The following DAAM1 variants were observed in gnomAD, a reference collection of about 807,000 sequenced individuals.
DAAM1 encodes dishevelled associated activator of morphogenesis 1.
Under a neutral mutation model 130.0 loss-of-function variants are expected in DAAM1, and 52 were observed. The observed-to-expected ratio is 0.40, with a 90% CI of 0.32 to 0.50. The LOEUF (loss-of-function observed/expected upper bound fraction) is 0.50. Ranked by LOEUF, DAAM1 falls within the 20% of genes least tolerant of loss-of-function variation. DAAM1 has a pLI of 0.61. For synonymous variants in DAAM1, 452 were observed against 444.5 expected (o/e 1.02, Z -0.21); for missense variants, 1,134 against 1,303.8 (o/e 0.87, Z 2.01).
intron 23 of DAAM1, among the ~76,000 whole-genome samples, chr14:59,364,805 T>C (rs1886850640): frequency 6.6e-6 from 1 of 152,206 alleles, no homozygotes; most frequent in African/African-American, 2.4e-5. Flanking sequence ...TCTAACCTTA[T>C]AAAATAAATG....
At chr14:59,344,532 A>G (rs1489732062) in intron 16 of DAAM1, among the ~76,000 whole-genome samples, 1 of 152,212 alleles carries the variant, frequency 6.6e-6, no homozygotes, top group African/African-American at 2.4e-5. Context: ...TCTGCAACCT[A>G]TAGAACCATC....
intron 2 of DAAM1, among the ~76,000 whole-genome samples, chr14:59,289,812 A>G (rs921596399): frequency 2.1e-5 from 3 of 143,624 alleles, no homozygotes; most frequent in Non-Finnish European, 4.6e-5. Flanking sequence ...CATAAAAGGA[A>G]CAAGATCATG....
Position 59,288,361 on chromosome 14 carries a change from G to A in DAAM1, c.184-2856G>A, listed in dbSNP as rs139919688. Among the ~76,000 whole-genome samples, 849 of 152,242 alleles carry A rather than the reference G, an allele frequency of 5.6e-3. 4 individuals carry two copies. The highest frequency in any genetic ancestry group is 0.02 in the Middle Eastern group (6 of 294). On this transcript the variant is annotated intron_variant, in intron 2 of 24. Transcript: ENST00000360909. ...AATACCATTCTGCACATCAGCTTTG[G>A]CAAAGAATTTCTGACTAAGTCTCTA...
At chr14:59,354,098 T>TTAAC (rs1252630194) in intron 19 of DAAM1, 134 bp downstream of exon 19, 1 of 831,978 alleles carries the variant, frequency 1.2e-6, no homozygotes, top group African/African-American at 1.7e-5. Flanking sequence ...TCTTGCACAG[T>TTAAC]TGCCCAGGCT....
intron 1 of DAAM1, among the ~76,000 whole-genome samples, chr14:59,256,703 G>C (rs1369660241): frequency 6.6e-6 from 1 of 152,132 alleles, no homozygotes; most frequent in Admixed American, 6.5e-5. Flanking sequence ...TGGAAACCTA[G>C]GTCCCTAGTT....
rs552255674 is a variant in DAAM1, at chr14:59,320,027, G to C, written c.346-463G>C. ...TACTCTGAAGGAATTGTCTATCCTA[G>C]TAATAGCTCCAAATTAATTTTTCCT... is the stretch of plus-strand genomic sequence containing the variant. On this transcript the variant is annotated intron_variant, in intron 4 of 24. Transcript: ENST00000360909. Among the ~76,000 whole-genome samples, 2 of 152,218 alleles carry C rather than the reference G, an allele frequency of 1.3e-5. 1 individual carries two copies. The highest frequency in any genetic ancestry group is 4.1e-4 in the South Asian group (2 of 4,830).
intron 2 of DAAM1, among the ~76,000 whole-genome samples, chr14:59,272,601 A>ATG (rs1409676213): frequency 2.3e-5 from 2 of 88,882 alleles, no homozygotes; most frequent in South Asian, 4.4e-4. Context: ...AACAAAATAT[A>ATG]TATATATACA....
At chr14:59,365,926 A>C (rs1886898607) in intron 23 of DAAM1, among the ~76,000 whole-genome samples, 1 of 152,208 alleles carries the variant, frequency 6.6e-6, no homozygotes. Context: ...ATTGAATATT[A>C]TTTGGGTAGT....
chr14:59,209,546 T>TTGA (rs1888365826), intron 1 of DAAM1, among the ~76,000 whole-genome samples: 2 of 152,244 alleles, frequency 1.3e-5, no homozygotes, highest in Non-Finnish European at 1.5e-5. Context: ...ACAACCATTC[T>TTGA]ATTTTTCATT....
intron 15 of DAAM1, chr14:59,338,340 G>A: frequency 6.2e-7 from 1 of 1,605,900 alleles, no homozygotes; most frequent in Non-Finnish European, 8.5e-7. Flanking sequence ...CTTCTGAACT[G>A]CATATATCTG....
At chr14:59,367,277 C>G in intron 23 of DAAM1, 152 bp from the exon 24 acceptor site, 4 of 1,337,712 alleles carry the variant, frequency 3.0e-6, no homozygotes, top group Non-Finnish European at 3.9e-6. Flanking sequence ...GATGGCGAAA[C>G]TCCATCTCCA....
At chr14:59,244,951 T>C (rs1881296964) in intron 1 of DAAM1, among the ~76,000 whole-genome samples, 1 of 152,054 alleles carries the variant, frequency 6.6e-6, no homozygotes, top group Non-Finnish European at 1.5e-5. Flanking sequence ...TGGTGATGAG[T>C]AGGAGGAGAA....
intron 15 of DAAM1, among the ~76,000 whole-genome samples, chr14:59,332,141 T>C (rs1885468778): frequency 6.6e-6 from 1 of 152,206 alleles, no homozygotes; most frequent in African/African-American, 2.4e-5. Context: ...ATCTGGTATA[T>C]GTCTAAGACC....
At chr14:59,352,128 A>T (rs947793983) in intron 17 of DAAM1, among the ~76,000 whole-genome samples, 1 of 152,308 alleles carries the variant, frequency 6.6e-6, no homozygotes, top group South Asian at 2.1e-4. Flanking sequence ...CCTAGGTTCT[A>T]TTTCTAATCA....
At chr14:59,289,854 C>T (rs1193040569) in intron 2 of DAAM1, among the ~76,000 whole-genome samples, 1 of 150,354 alleles carries the variant, frequency 6.7e-6, no homozygotes, top group Non-Finnish European at 1.5e-5. Context: ...CCGCTGGAGG[C>T]CAGCATCCTT....
Position 59,331,345 on chromosome 14 carries a change from C to A in DAAM1, c.1697C>A (p.Pro566Gln). The A allele has an allele frequency of 1.2e-6, 2 of 1,611,868 alleles. No individual in the cohort carries two copies. The highest frequency in any genetic ancestry group is 1.7e-6 in the Non-Finnish European group (2 of 1,179,442). ...PLPGGMLPPPPPPLPPGGPPP... is the reference protein window; with the variant it reads ...PLPGGMLPPPQPPLPPGGPPP... ...CCAGGTGGGATGCTTCCCCCTCCACCGCCTCCCCTCCCTCCAGGTGGCCCT... is the reference window on the plus strand; with the variant it reads ...CCAGGTGGGATGCTTCCCCCTCCACAGCCTCCCCTCCCTCCAGGTGGCCCT... The change falls in exon 14 of 25, where the codon CCG (proline) becomes CAG (glutamine). Residue 566 changes from proline (P) to glutamine (Q), a missense_variant. Around this residue, in one of 3 missense-constraint regions of DAAM1, gnomAD observed 644 missense variants for 695.9 expected, o/e 0.93. Coordinates refer to ENST00000360909, the MANE Select transcript of DAAM1 (RefSeq NM_001270520.2).
rs766776410 is a variant in DAAM1 at position 59,324,130 on chromosome 14, A to C, written c.777A>C (p.Thr259=). ...CTTTGTTTTTCTATTTTTGATAGAC[A>C]TTAATTAACGACTTGGATAAAAGCA... is the stretch of plus-strand genomic sequence containing the variant. ...KYASERTRFQ[T]LINDLDKSTG... The change falls in exon 7 of 25, where the codon ACA becomes ACC. Residue 259 remains threonine, a splice_region_variant and synonymous_variant. Coordinates refer to ENST00000360909, the MANE Select transcript of DAAM1 (RefSeq NM_001270520.2). 4 of 1,394,858 alleles carry C rather than the reference A, an allele frequency of 2.9e-6. No homozygotes were observed. Among genetic ancestry groups the C allele is most frequent in the Non-Finnish European group, 3.8e-6 (4 of 1,064,174 alleles). The allele number at this position is 1,394,858 out of a possible 1,614,324, so 86.4% of individuals were successfully genotyped here. A position where few individuals can be genotyped will look rare whatever the true frequency, so the allele number is the denominator to read the frequency against.
At chr14:59,225,757 A>G (rs1056191553) in intron 1 of DAAM1, among the ~76,000 whole-genome samples, 1 of 152,184 alleles carries the variant, frequency 6.6e-6, no homozygotes, top group African/African-American at 2.4e-5. Context: ...GGTTTGATCT[A>G]GTTTCCTTTT....
intron 1 of DAAM1, among the ~76,000 whole-genome samples, chr14:59,234,275 C>G (rs1057358606): frequency 2.0e-5 from 3 of 151,950 alleles, no homozygotes; most frequent in Admixed American, 2.0e-4. Context: ...GGAATGTTTT[C>G]CCTTTTGTTT....
Sources: gnomAD v4.1 joint callset for allele counts (sites outside exome capture counted in the v4.1 genomes callset) on GRCh38, gnomAD v4.1.1 for gene constraint, gnomAD v4.1.1 regional missense constraint, MANE v1.5 for transcripts, NCBI Gene and HGNC (gene_info 2026-07-23, HGNC 2026-07-21) for gene names.